SHANK2: variants seen among roughly 807,000 people sequenced by gnomAD.
The protein encoded by SHANK2 is SH3 and multiple ankyrin repeat domains 2, also known as SH3 and multiple ankyrin repeat domains protein 2.
SHANK2 carries 43 observed loss-of-function variants against 133.7 expected under a neutral mutation model. The ratio of observed to expected loss-of-function variants is 0.32; its 90% CI spans 0.25 to 0.41. The LOEUF (loss-of-function observed/expected upper bound fraction) is 0.41, where lower values mean the gene tolerates loss of function less well. SHANK2 is among the 10% of genes least tolerant of loss of function. The probability of loss-of-function intolerance (pLI) is 1.00; values close to 1 mark genes in which losing one functional copy is unlikely to be tolerated. For synonymous variants in SHANK2, 1,017 were observed against 952.8 expected (o/e 1.07, Z -1.24); for missense variants, 1,994 against 2,235.8 (o/e 0.89, Z 2.18).
At chr11:70,912,750 C>T (rs1030611892) in intron 10 of SHANK2, among the ~76,000 whole-genome samples, 1 of 152,226 alleles carries the variant, frequency 6.6e-6, no homozygotes, top group African/African-American at 2.4e-5. Flanking sequence ...TTCAAAACCA[C>T]TTAAACCTCT....
chr11:71,162,628 T>C (rs1390455210), intron 2 of SHANK2, among the ~76,000 whole-genome samples: 1 of 152,202 alleles, frequency 6.6e-6, no homozygotes, highest in African/African-American at 2.4e-5. Flanking sequence ...TGCAAAAGAA[T>C]AGATACATTT....
chr11:70,702,374 C>T (rs1945553206), intron 14 of SHANK2, among the ~76,000 whole-genome samples: 2 of 151,654 alleles, frequency 1.3e-5, no homozygotes, highest in African/African-American at 4.8e-5. Flanking sequence ...TCATCACCAC[C>T]AACACCACCA....
chr11:70,554,508 TTGCAC>T (rs60587464), intron 17 of SHANK2, among the ~76,000 whole-genome samples: 117,022 of 151,438 alleles, frequency 0.77, 45,838 homozygotes, highest in Middle Eastern at 0.88. Flanking sequence ...TACAGAAAAA[TTGCAC>T]TGCACAGAAA....
intron 17 of SHANK2, among the ~76,000 whole-genome samples, chr11:70,597,452 C>T (rs1042280796): frequency 2.6e-5 from 4 of 151,922 alleles, no homozygotes; most frequent in East Asian, 1.9e-4. Flanking sequence ...GTGGAGCTGG[C>T]GGCGGTAAGA....
In SHANK2 at chr11:70,562,521, C is replaced by A. The variant is rs1409425209; in HGVS notation, c.2062-59590G>T. ...TGACCCTTTTACCATAATGAAATAA[C>A]CTTCTTTAATACTGTTAACATTCTT... On this transcript the variant is annotated intron_variant, in intron 17 of 25. Transcript: ENST00000601538. Among the ~76,000 whole-genome samples, 4 of 152,132 alleles carry A rather than the reference C, an allele frequency of 2.6e-5. No individual in the cohort carries two copies. In the East Asian group the frequency reaches 7.7e-4, roughly 29 times the overall value.
intron 6 of SHANK2, 112 bp downstream of exon 6, chr11:71,109,829 C>G: frequency 6.7e-6 from 5 of 740,914 alleles, no homozygotes; most frequent in Middle Eastern, 3.5e-4. Flanking sequence ...AAACACCAAA[C>G]AAAACCAAGT....
chr11:70,828,700 G>A (rs948802846), intron 11 of SHANK2, among the ~76,000 whole-genome samples: 5 of 152,336 alleles, frequency 3.3e-5, no homozygotes, highest in Middle Eastern at 3.4e-3. Flanking sequence ...GCTGGCGAGC[G>A]CTGGGAGGCT....
chr11:70,945,870 G>A (rs1002990085), intron 10 of SHANK2, among the ~76,000 whole-genome samples: 1 of 152,046 alleles, frequency 6.6e-6, no homozygotes, highest in Non-Finnish European at 1.5e-5. Flanking sequence ...ACAGCCCTTG[G>A]TGGGAATGAA....
chr11:71,168,979 T>C (rs7933258), intron 2 of SHANK2, among the ~76,000 whole-genome samples: 77,835 of 152,044 alleles, frequency 0.51, 20,266 homozygotes, highest in South Asian at 0.66. Flanking sequence ...AATCAGGAAG[T>C]ACCAAACTGA....
At chr11:71,058,777 A>G (rs1950952064) in intron 9 of SHANK2, among the ~76,000 whole-genome samples, 1 of 152,268 alleles carries the variant, frequency 6.6e-6, no homozygotes, top group Admixed American at 6.5e-5. Context: ...GGGTAAGTGG[A>G]TTAAATGACC....
At chr11:71,217,972 T>C (rs1473185311) in intron 2 of SHANK2, among the ~76,000 whole-genome samples, 1 of 152,108 alleles carries the variant, frequency 6.6e-6, no homozygotes, top group Non-Finnish European at 1.5e-5. Flanking sequence ...TGCCTCAGCC[T>C]CCTGAGTAGC....
At chr11:71,246,134 G>T (rs1217092426) in intron 1 of SHANK2, among the ~76,000 whole-genome samples, 1 of 152,076 alleles carries the variant, frequency 6.6e-6, no homozygotes, top group Non-Finnish European at 1.5e-5. Context: ...GGAAAGACAG[G>T]CTTGGAAGCT....
rs782023180 is a variant in SHANK2, at chr11:71,092,464, A to G, written c.870T>C (p.Thr290=). The G allele has an allele frequency of 1.3e-6, 2 of 1,551,512 alleles. No homozygotes were observed. Among genetic ancestry groups the G allele is most frequent in the Non-Finnish European group, 8.7e-7 (1 of 1,146,970 alleles). The change falls in exon 8 of 26, where the codon ACT becomes ACC. Residue 290 remains threonine (T), a synonymous_variant. Coordinates refer to ENST00000601538, the MANE Select transcript of SHANK2 (RefSeq NM_012309.5). ...AGCCGTTCTCATCTTTGCAGCACACAGTGGCGTGTTCGTGCAGGAGAAGCT... is the reference window on the plus strand; with the variant it reads ...AGCCGTTCTCATCTTTGCAGCACACGGTGGCGTGTTCGTGCAGGAGAAGCT... ...CCELLLHEHA[T]VCCKDENGWH... is the part of the protein sequence containing the mutation.
At chr11:71,127,344 A>G (rs1457307873) in intron 3 of SHANK2, among the ~76,000 whole-genome samples, 2 of 152,246 alleles carry the variant, frequency 1.3e-5, no homozygotes, top group African/African-American at 2.4e-5. Flanking sequence ...CTCAGTGGAT[A>G]AAGCAGTGCA....
At chr11:70,817,794 G>A (rs568595468) in intron 12 of SHANK2, among the ~76,000 whole-genome samples, 1 of 152,170 alleles carries the variant, frequency 6.6e-6, no homozygotes, top group African/African-American at 2.4e-5. Flanking sequence ...GAGTGCAGTG[G>A]TGCCATCTCA....
Position 71,178,727 on chromosome 11 carries a change from T to C in SHANK2, c.-12-31389A>G, listed in dbSNP as rs546180484. 6.6e-5 allele frequency among the ~76,000 whole-genome samples: 10 copies of C among 152,342 alleles called. No homozygotes were observed. In the South Asian group the frequency reaches 2.1e-3, roughly 32 times the overall value. On this transcript the variant is annotated intron_variant, in intron 2 of 25. Transcript: ENST00000601538. ...GGCCAGGCGCGGTGACTCACACCTG[T>C]AATCCCAGCACTTTGGGAGGCTGAG...
intron 10 of SHANK2, among the ~76,000 whole-genome samples, chr11:70,946,816 C>A (rs1219619730): frequency 6.7e-6 from 1 of 148,210 alleles, no homozygotes; most frequent in African/African-American, 2.5e-5. Context: ...CAGACTCACC[C>A]TCCCTCTCCA....
chr11:70,576,474 A>G (rs1159767515), intron 17 of SHANK2, among the ~76,000 whole-genome samples: 1 of 152,074 alleles, frequency 6.6e-6, no homozygotes, highest in Non-Finnish European at 1.5e-5. Flanking sequence ...CTCTACTAAA[A>G]ACAATACAAA....
At chr11:71,083,984 G>GT (rs1367460343) in intron 8 of SHANK2, among the ~76,000 whole-genome samples, 16 of 149,450 alleles carry the variant, frequency 1.1e-4, no homozygotes, top group South Asian at 2.1e-4. Flanking sequence ...TTTTTTGGGG[G>GT]GGGGAGACAG....
Sources: allele counts gnomAD v4.1 joint callset (sites outside exome capture counted in the v4.1 genomes callset), GRCh38; gene constraint gnomAD v4.1.1; transcripts MANE v1.5; gene names NCBI Gene and HGNC (gene_info 2026-07-23, HGNC 2026-07-21).